The following RMDN2 variants were observed in gnomAD, a reference collection of about 807,000 sequenced individuals.
The protein encoded by RMDN2 is regulator of microtubule dynamics 2.
RMDN2 carries 61 observed loss-of-function variants against 52.8 expected under a neutral mutation model. The observed-to-expected ratio is 1.16, with a 90% CI of 0.94 to 1.43. The LOEUF (loss-of-function observed/expected upper bound fraction) is 1.43. Ranked by LOEUF, RMDN2 falls within the 40% of genes most tolerant of loss-of-function variation. RMDN2 has a pLI of 0.00. For synonymous variants in RMDN2, 180 were observed against 153.1 expected (o/e 1.18, Z -1.30); for missense variants, 592 against 475.3 (o/e 1.25, Z -2.28).
Position 37,997,603 on chromosome 2 carries a change from A to G in RMDN2, c.1044+89A>G, listed in dbSNP as rs772190864. The G allele has an allele frequency of 4.8e-5, 41 of 853,378 alleles. No homozygotes were observed. The Admixed American group carries it at 7.1e-4, about 15-fold the overall frequency. 52.9% of individuals were successfully genotyped at this position (853,378 alleles called of 1,614,324 possible). On this transcript the variant is annotated intron_variant, in intron 8 of 10. Coordinates refer to ENST00000354545, the MANE Select transcript of RMDN2 (RefSeq NM_001170791.3). ...CCGTTGTCAAGGAAATCTTTTCTCC[A>G]TGTGGAGCCTCAGTTTGAATCCTGG...
Position 37,991,223 on chromosome 2 carries a change from C to A in RMDN2, c.871C>A (p.His291Asn). The A allele has an allele frequency of 6.4e-7, 1 of 1,574,394 alleles. No homozygotes were observed. The highest frequency in any genetic ancestry group is 2.3e-5 in the East Asian group (1 of 43,800). ...TTCCTTTGGATGCTTTTTTCAGGAA[C>A]ATCTAGATATAGCAATCAAACTTTT... is the stretch of plus-strand genomic sequence containing the variant. ...KINYGHLFKE[H>N]LDIAIKLLPE... The change falls in exon 7 of 11, where the codon CAT (histidine) becomes AAT (asparagine). Residue 291 changes from histidine (H) to asparagine (N), a missense_variant. By Grantham distance (68) the His-to-Asn change is moderately conservative. Transcript: ENST00000354545.
chr2:37,934,966 A>G (rs1011888419), intron 2 of RMDN2, among the ~76,000 whole-genome samples: 2 of 152,188 alleles, frequency 1.3e-5, no homozygotes, highest in Non-Finnish European at 2.9e-5. Flanking sequence ...TAACAAATTC[A>G]TTATTCTTTC....
rs770517879 is a variant in RMDN2 at position 37,997,439 on chromosome 2, GA to G, written c.976del (p.Met326TrpfsTer39). The G allele has an allele frequency of 3.7e-6, 6 of 1,613,256 alleles. No homozygotes were observed. In the African/African-American group the frequency reaches 6.7e-5, roughly 18 times the overall value. On this transcript the variant is annotated frameshift_variant, in exon 8 of 11. Transcript: ENST00000354545. LOFTEE classifies it high-confidence loss of function. The stretch of plus-strand genomic sequence containing the variant: ...AGGTCTCAAAACTGAGCTGGATTGA[GA>G]AAAAAATGGCTGCTACTCTGTTTGG... ...YTVSKLSWIE[K>X]KMAATLFGKI...
At chr2:37,958,134 T>A (rs1048438032) in intron 2 of RMDN2, among the ~76,000 whole-genome samples, 1 of 152,186 alleles carries the variant, frequency 6.6e-6, no homozygotes, top group Non-Finnish European at 1.5e-5. Context: ...ATGGGCTCTT[T>A]TTTGGTTTCA....
chr2:37,980,477 T>G (rs1482857280), intron 4 of RMDN2, among the ~76,000 whole-genome samples: 1 of 152,044 alleles, frequency 6.6e-6, no homozygotes, highest in East Asian at 1.9e-4. Flanking sequence ...CTAATTTTTG[T>G]GTTTTTAGTA....
intron 2 of RMDN2, among the ~76,000 whole-genome samples, chr2:37,961,148 A>G (rs1040787802): frequency 9.2e-5 from 14 of 151,932 alleles, no homozygotes; most frequent in African/African-American, 3.4e-4. Context: ...AGCTTGGTGA[A>G]TCTGATGATT....
At chr2:37,990,005 T>C (rs1674548714) in intron 6 of RMDN2, among the ~76,000 whole-genome samples, 1 of 151,592 alleles carries the variant, frequency 6.6e-6, no homozygotes, top group Non-Finnish European at 1.5e-5. Flanking sequence ...CAAAAATTAG[T>C]GGTGGCGGGC....
chr2:38,012,672 T>A, intron 10 of RMDN2: 1 of 443,674 alleles, frequency 2.3e-6, no homozygotes, highest in Non-Finnish European at 4.6e-6. Flanking sequence ...TATTTCCATT[T>A]CTTTTTCCAT....
intron 10 of RMDN2, among the ~76,000 whole-genome samples, chr2:38,034,875 T>C (rs1448720430): frequency 6.6e-6 from 1 of 151,336 alleles, no homozygotes; most frequent in Non-Finnish European, 1.5e-5. Flanking sequence ...AAAAAAAAGC[T>C]TTTTATCTGA....
At chr2:38,064,619 CCTTG>C (rs1682193833) in intron 10 of RMDN2, among the ~76,000 whole-genome samples, 1 of 151,896 alleles carries the variant, frequency 6.6e-6, no homozygotes, top group Non-Finnish European at 1.5e-5. Context: ...CTTTTTTCAC[CCTTG>C]CTTCTGTATA....
chr2:38,037,384 C>T (rs1680655358), intron 10 of RMDN2, among the ~76,000 whole-genome samples: 1 of 152,220 alleles, frequency 6.6e-6, no homozygotes, highest in Non-Finnish European at 1.5e-5. Flanking sequence ...AAGCTGCCCA[C>T]ATAGAAGAAC....
intron 2 of RMDN2, among the ~76,000 whole-genome samples, chr2:37,960,347 A>ATG (rs138837707): frequency 6.6e-6 from 1 of 151,754 alleles, no homozygotes; most frequent in African/African-American, 2.4e-5. Context: ...GTATATATAT[A>ATG]TATTTAGAAT....
chr2:38,010,667 G>A (rs1006332775), intron 10 of RMDN2, among the ~76,000 whole-genome samples: 1 of 152,182 alleles, frequency 6.6e-6, no homozygotes, highest in Non-Finnish European at 1.5e-5. Context: ...CCCAGGTGAG[G>A]CAATGTCTTG....
At chr2:38,020,768 G>A (rs78146515), downstream of RMDN2, among the ~76,000 whole-genome samples, 4,349 of 152,268 alleles carry the variant, frequency 0.029, 182 homozygotes, top group African/African-American at 0.091. Flanking sequence ...CTCGGGACCT[G>A]CAGCCCCCCA....
intron 7 of RMDN2, among the ~76,000 whole-genome samples, chr2:37,991,982 G>A (rs545997898): frequency 6.6e-6 from 1 of 152,320 alleles, no homozygotes; most frequent in South Asian, 2.1e-4. Context: ...ATTGGGGTAG[G>A]CAAAGAGATA....
chr2:38,008,714 A>C (rs1677482994), intron 10 of RMDN2, among the ~76,000 whole-genome samples: 1 of 152,094 alleles, frequency 6.6e-6, no homozygotes, highest in Admixed American at 6.6e-5. Flanking sequence ...ATTTAAAGTT[A>C]ATATTGTTAT....
upstream of RMDN2, among the ~76,000 whole-genome samples, chr2:37,922,016 C>T (rs1411897950): frequency 2.6e-5 from 4 of 152,210 alleles, no homozygotes; most frequent in Non-Finnish European, 4.4e-5. Context: ...GGGACTTCTT[C>T]CTCTGCCCCT....
rs949709793 is a variant in RMDN2 at position 37,960,601 on chromosome 2, C to T, written c.453-13439C>T. On this transcript the variant is annotated intron_variant, in intron 2 of 10. Transcript: ENST00000354545. ...GGGTCTTGACTCTTTATCCAATTTG[C>T]CAGTCTGTGTCTTTTAATTGGGGAA... Among the ~76,000 whole-genome samples the T allele has an allele frequency of 7.2e-5, 11 of 152,186 alleles. No individual in the cohort carries two copies. In the East Asian group the frequency reaches 2.1e-3, roughly 29 times the overall value.
upstream of RMDN2, among the ~76,000 whole-genome samples, chr2:37,922,421 T>TAAAAAAAAAAAA (rs111938013): frequency 6.9e-6 from 1 of 144,374 alleles, no homozygotes. Flanking sequence ...AAATAAAACC[T>TAAAAAAAAAAAA]AAAAAAAAAA....
Sources: gnomAD v4.1 joint callset for allele counts (sites outside exome capture counted in the v4.1 genomes callset) on GRCh38, gnomAD v4.1.1 for gene constraint, MANE v1.5 for transcripts, NCBI Gene and HGNC (gene_info 2026-07-23, HGNC 2026-07-21) for gene names.